The following HTRA3 variants were observed in gnomAD, a reference collection of about 807,000 sequenced individuals.
HTRA3 encodes HtrA serine peptidase 3.
HTRA3 carries 41 observed loss-of-function variants against 43.2 expected under a neutral mutation model. The ratio of observed to expected loss-of-function variants is 0.95; its 90% CI spans 0.74 to 1.23. The LOEUF (loss-of-function observed/expected upper bound fraction) is 1.23. HTRA3 is among the 50% of genes most tolerant of loss of function. The probability of loss-of-function intolerance (pLI) is 0.00; values close to 1 mark genes in which losing one functional copy is unlikely to be tolerated. For missense variants in HTRA3, 628 were observed against 647.1 expected (o/e 0.97, Z 0.32); for synonymous variants, 295 against 287.9 (o/e 1.02, Z -0.25).
At position 8,302,374 on chromosome 4, in the gene HTRA3, G is replaced by T. The variant is rs530092537; in HGVS notation, c.1052-89G>T. 16 of 1,225,666 alleles carry T rather than the reference G, an allele frequency of 1.3e-5. No individual in the cohort carries two copies. In the East Asian group the frequency reaches 3.5e-4, roughly 27 times the overall value. 75.9% of individuals were successfully genotyped at this position (1,225,666 alleles called of 1,614,324 possible). On this transcript the variant is annotated intron_variant, in intron 6 of 8. Coordinates refer to ENST00000307358, the MANE Select transcript of HTRA3 (RefSeq NM_053044.5). ...CACCTGCTGCTTCCTGGTCCTGCAG[G>T]GGAACTTCTGTCCTCTGCCTGTCCC...
chr4:8,278,861 A>T (rs762168952), intron 1 of HTRA3, among the ~76,000 whole-genome samples: 5 of 152,094 alleles, frequency 3.3e-5, no homozygotes, highest in Non-Finnish European at 5.9e-5. Context: ...CTGCTTGGAG[A>T]CTTGGTTAAT....
chr4:8,282,498 G>T lies in HTRA3; in HGVS notation c.447G>T (p.Lys149Asn). ...ACTTCATTGCTGACGTGGTGGAGAA[G>T]ATCGCACCAGCCGTGGTCCACATAG... is the stretch of plus-strand genomic sequence containing the variant. ...KFNFIADVVE[K>N]IAPAVVHIEL... Residue 149 changes from lysine to asparagine, a missense_variant, in exon 2 of 9, where the codon AAG (lysine) becomes AAT (asparagine). By Grantham distance (94) the Lys-to-Asn change is moderately conservative (BLOSUM62 0). Coordinates refer to ENST00000307358, the MANE Select transcript of HTRA3 (RefSeq NM_053044.5). 1 of 1,614,140 alleles carries T rather than the reference G, an allele frequency of 6.2e-7. No homozygotes were observed. Among genetic ancestry groups the T allele is most frequent in the South Asian group, 1.1e-5 (1 of 91,078 alleles).
At chr4:8,281,735 C>T (rs1049578633) in intron 1 of HTRA3, among the ~76,000 whole-genome samples, 1 of 152,246 alleles carries the variant, frequency 6.6e-6, no homozygotes, top group African/African-American at 2.4e-5. Flanking sequence ...GTGGTCCTGG[C>T]AGCCACAGCC....
chr4:8,289,733 G>A (rs1310101324), intron 3 of HTRA3, among the ~76,000 whole-genome samples: 2 of 152,096 alleles, frequency 1.3e-5, no homozygotes, highest in Non-Finnish European at 2.9e-5. Flanking sequence ...CCTCACCTGT[G>A]CCCCCTCCTT....
At chr4:8,305,908 C>T (rs757294048) in intron 8 of HTRA3, 63 bp from the exon 9 acceptor site, 19 of 1,588,710 alleles carry the variant, frequency 1.2e-5, no homozygotes, top group South Asian at 2.2e-5. Context: ...CGCTCTGGGC[C>T]GGGCCTGGGA....
chr4:8,293,119 G>A (rs904317107), intron 5 of HTRA3, among the ~76,000 whole-genome samples: 1 of 152,204 alleles, frequency 6.6e-6, no homozygotes, highest in Non-Finnish European at 1.5e-5. Flanking sequence ...CAATGAAAGG[G>A]GCTGGTGGCC....
In HTRA3 at chr4:8,306,058, C is replaced by G. The variant is rs373070990; in HGVS notation, c.1284C>G (p.Thr428=). The G allele has an allele frequency of 4.3e-6, 7 of 1,612,482 alleles. No homozygotes were observed. Among genetic ancestry groups the G allele is most frequent in the Non-Finnish European group, 5.1e-6 (6 of 1,179,270 alleles). Residue 428 remains threonine, a synonymous_variant, in exon 9 of 9, where the codon ACC becomes ACG. Coordinates refer to ENST00000307358, the MANE Select transcript of HTRA3 (RefSeq NM_053044.5). The surrounding 1 kb of genome is among the most constrained non-coding windows in gnomAD (Gnocchi z 8.9). ...DSSELQEAVL[T]ESPLLLEVRR... ...GTGAGCTGCAGGAGGCCGTGCTGAC[C>G]GAGTCTCCTCTCCTACTGGAGGTGC...
Position 8,291,406 on chromosome 4 carries a change from G to C in HTRA3, c.745G>C (p.Asp249His), listed in dbSNP as rs201174070. The C allele has an allele frequency of 1.9e-6, 3 of 1,613,544 alleles. No homozygotes were observed. In the Admixed American group the frequency reaches 5.0e-5, roughly 27 times the overall value. The change falls in exon 4 of 9, where the codon GAC (aspartate) becomes CAC (histidine). Residue 249 changes from aspartate (D) to histidine (H), a missense_variant. Transcript: ENST00000307358. ...LPVLLLGHSA[D>H]LRPGEFVVAI... ...TGTGTTGTTGCTGGGTCACTCGGCC[G>C]ACCTGCGGCCTGGGGAGTTTGTGGT...
chr4:8,282,181 G>A (rs1712774284), intron 1 of HTRA3, among the ~76,000 whole-genome samples: 1 of 152,186 alleles, frequency 6.6e-6, no homozygotes, highest in South Asian at 2.1e-4. Flanking sequence ...GTCCAGTGAG[G>A]GGGGTGAGGA....
intron 1 of HTRA3, among the ~76,000 whole-genome samples, chr4:8,274,045 A>G (rs1266379927): frequency 6.6e-6 from 1 of 151,996 alleles, no homozygotes; most frequent in Non-Finnish European, 1.5e-5. Flanking sequence ...ACCTTGGTCA[A>G]TCTGTCCTGC....
At chr4:8,272,452 C>T (rs142308395) in intron 1 of HTRA3, among the ~76,000 whole-genome samples, 3 of 152,310 alleles carry the variant, frequency 2.0e-5, no homozygotes, top group East Asian at 3.9e-4. Flanking sequence ...GCAGTCCCAG[C>T]GCACCTCTTC....
Position 8,270,369 on chromosome 4 carries a change from C to T in HTRA3, c.385+16C>T. 7.2e-7 allele frequency: 1 copy of T among 1,387,596 alleles called. No homozygotes were observed. Among genetic ancestry groups the T allele is most frequent in the Non-Finnish European group, 9.3e-7 (1 of 1,077,038 alleles). The allele number at this position is 1,387,596 out of a possible 1,614,324, so 86.0% of individuals were successfully genotyped here. A position where few individuals can be genotyped will look rare whatever the true frequency, so the allele number is the denominator to read the frequency against. ...TGCCCGTTGGGTAAGCGCTCGGGGG[C>T]CAGGGAGGAAGTGAAGCTTCTTTCT... On this transcript the variant is annotated intron_variant, in intron 1 of 8. Transcript: ENST00000307358.
At chr4:8,284,111 C>T (rs1712865365) in intron 2 of HTRA3, among the ~76,000 whole-genome samples, 1 of 152,150 alleles carries the variant, frequency 6.6e-6, no homozygotes, top group Non-Finnish European at 1.5e-5. Flanking sequence ...CCATGTTTCT[C>T]AAAACAGCCC....
At chr4:8,289,165 G>A (rs1258710093) in intron 3 of HTRA3, among the ~76,000 whole-genome samples, 1 of 151,808 alleles carries the variant, frequency 6.6e-6, no homozygotes, top group Non-Finnish European at 1.5e-5. Context: ...GCCCAGGCTG[G>A]TCTAGAACTC....
chr4:8,291,553 G>A lies in HTRA3; in HGVS notation c.892G>A (p.Ala298Thr). The change falls in exon 4 of 9, where the codon GCC becomes ACC. Residue 298 changes from alanine (A) to threonine (T), a missense_variant. Transcript: ENST00000307358. ...DSDMDYIQTDAIINYGNSGGP... is the reference protein window; with the variant it reads ...DSDMDYIQTDTIINYGNSGGP... ...CGACATGGACTACATCCAGACGGAT[G>A]CCATCATCAACGTGAGTCCCAGGGA... is the stretch of plus-strand genomic sequence containing the variant. 6.3e-7 allele frequency: 1 copy of A among 1,591,170 alleles called. No homozygotes were observed. The highest frequency in any genetic ancestry group is 8.6e-7 in the Non-Finnish European group (1 of 1,166,790).
Position 8,270,285 on chromosome 4 carries a change from C to T in HTRA3, c.317C>T (p.Ala106Val), listed in dbSNP as rs1255783953. ...TYANVCALQA[A>V]SRRALQLSGT... The stretch of plus-strand genomic sequence containing the variant: ...GCCAACGTGTGCGCGCTGCAGGCGG[C>T]CAGCCGCCGCGCGCTGCAGCTCTCC... Residue 106 changes from alanine (A) to valine (V), a missense_variant, in exon 1 of 9, where the codon GCC becomes GTC. Physicochemically the swap from Ala to Val is moderately conservative, Grantham distance 64. Coordinates refer to ENST00000307358, the MANE Select transcript of HTRA3 (RefSeq NM_053044.5). 2 of 1,482,976 alleles carry T rather than the reference C, an allele frequency of 1.3e-6. No homozygotes were observed. The highest frequency in any genetic ancestry group is 2.3e-5 in the Admixed American group (1 of 43,530). 91.9% of individuals were successfully genotyped at this position (1,482,976 alleles called of 1,614,324 possible).
chr4:8,280,234 G>A lies in HTRA3; in HGVS notation c.386-2203G>A, dbSNP rs1432350679. Among the ~76,000 whole-genome samples, 6 of 152,166 alleles carry A rather than the reference G, an allele frequency of 3.9e-5. No homozygotes were observed. The South Asian group carries it at 6.2e-4, about 16-fold the overall frequency. On this transcript the variant is annotated intron_variant, in intron 1 of 8. Transcript: ENST00000307358. ...CGTGCCCTGGCGCTTCTCCTCAGGC[G>A]AGGCACATGGGGCGCCAGCCTCAGG...
chr4:8,270,509 A>C (rs1354429130), intron 1 of HTRA3, among the ~76,000 whole-genome samples, 156 bp downstream of exon 1: 1 of 152,230 alleles, frequency 6.6e-6, no homozygotes, highest in Non-Finnish European at 1.5e-5. Flanking sequence ...TCAGATGAAG[A>C]AACTGAGGCC....
intron 2 of HTRA3, among the ~76,000 whole-genome samples, chr4:8,285,003 G>T (rs1415884396): frequency 6.6e-6 from 1 of 152,128 alleles, no homozygotes; most frequent in African/African-American, 2.4e-5. Context: ...TTCTTCTGGG[G>T]GATGTTGGGG....
Sources: gnomAD v4.1 joint callset for allele counts (sites outside exome capture counted in the v4.1 genomes callset) on GRCh38, gnomAD v4.1.1 for gene constraint, Gnocchi (gnomAD v3.1) non-coding constraint, MANE v1.5 for transcripts, NCBI Gene and HGNC (gene_info 2026-07-23, HGNC 2026-07-21) for gene names.